The following GRID1 variants were observed in gnomAD, a reference collection of about 807,000 sequenced individuals.
GRID1 encodes the protein glutamate receptor ionotropic, delta-1.
GRID1 carries 28 observed loss-of-function variants against 98.0 expected under a neutral mutation model. That is an observed-to-expected ratio of 0.29 (90% CI 0.21 to 0.39). The LOEUF (loss-of-function observed/expected upper bound fraction) is 0.39, where lower values mean the gene tolerates loss of function less well. Ranked by LOEUF, GRID1 falls within the 10% of genes least tolerant of loss-of-function variation. The pLI, the probability that GRID1 is intolerant of heterozygous loss-of-function variation, is 1.00. For missense variants in GRID1, 1,111 were observed against 1,340.5 expected, an observed-to-expected ratio of 0.83 and a Z score of 2.67; for synonymous variants, 553 against 538.5, an observed-to-expected ratio of 1.03 and a Z score of -0.37.
At chr10:86,161,658 T>C (rs1845325406) in intron 3 of GRID1, among the ~76,000 whole-genome samples, 2 of 152,104 alleles carry the variant, frequency 1.3e-5, no homozygotes, top group Non-Finnish European at 2.9e-5. Context: ...GAATCTGCCT[T>C]CCCAAAAATG....
chr10:86,130,534 A>T (rs1844819689), intron 4 of GRID1, among the ~76,000 whole-genome samples: 1 of 152,220 alleles, frequency 6.6e-6, no homozygotes, highest in Non-Finnish European at 1.5e-5. Context: ...GGAGAGAAGG[A>T]GCATCTGAAT....
At chr10:86,219,886 C>G (rs1386702697) in intron 2 of GRID1, among the ~76,000 whole-genome samples, 1 of 152,196 alleles carries the variant, frequency 6.6e-6, no homozygotes, top group Non-Finnish European at 1.5e-5. Context: ...GATGCTCCCC[C>G]CGGGAGGCAG....
At chr10:86,216,064 TC>T (rs1218375103) in intron 2 of GRID1, among the ~76,000 whole-genome samples, 5 of 152,240 alleles carry the variant, frequency 3.3e-5, no homozygotes, top group Admixed American at 3.3e-4. Flanking sequence ...CTTTCACACT[TC>T]CACTCACTCC....
At chr10:86,180,921 G>A (rs1322744564) in intron 3 of GRID1, among the ~76,000 whole-genome samples, 1 of 152,234 alleles carries the variant, frequency 6.6e-6, no homozygotes, top group Non-Finnish European at 1.5e-5. Context: ...TCTGGGCTCA[G>A]GGAAGGCTAA....
At position 85,869,049 on chromosome 10, in the gene GRID1, C is replaced by T; in HGVS notation, c.912G>A (p.Leu304=). ...CTRNNHRISS[L]LCDPQEGYLQ... ...GGTAGCCTTCCTGGGGGTCGCAGAG[C>T]AGGGAGGAGATGCGGTGGTTGTTCC... Residue 304 remains leucine, a synonymous_variant, in exon 6 of 16, where the codon CTG becomes CTA. Transcript: ENST00000327946. 2 of 1,614,074 alleles carry T rather than the reference C, an allele frequency of 1.2e-6. No individual in the cohort carries two copies. Among genetic ancestry groups the T allele is most frequent in the Non-Finnish European group, 1.7e-6 (2 of 1,180,000 alleles).
At chr10:85,769,640 C>T (rs143289644) in intron 8 of GRID1, among the ~76,000 whole-genome samples, 211 of 152,274 alleles carry the variant, frequency 1.4e-3, no homozygotes, top group South Asian at 5.8e-3. Flanking sequence ...GCTTTTCCAA[C>T]GGGCTTAAAA....
chr10:85,943,377 T>C (rs923706322), intron 4 of GRID1, among the ~76,000 whole-genome samples: 4 of 152,020 alleles, frequency 2.6e-5, no homozygotes, highest in African/African-American at 9.7e-5. Flanking sequence ...ATGGAAATAA[T>C]AAAATATCTA....
intron 2 of GRID1, among the ~76,000 whole-genome samples, chr10:86,285,681 G>C (rs1305034648): frequency 6.6e-6 from 1 of 152,212 alleles, no homozygotes; most frequent in East Asian, 1.9e-4. Flanking sequence ...AGCTGTAGGT[G>C]CTGGTGTTGG....
intron 4 of GRID1, among the ~76,000 whole-genome samples, chr10:86,030,767 T>G (rs1337326334): frequency 6.6e-6 from 1 of 152,218 alleles, no homozygotes; most frequent in Non-Finnish European, 1.5e-5. Flanking sequence ...TCCTTTTGAA[T>G]GAAAGGCAGC....
At chr10:85,894,671 T>C (rs58882819) in intron 5 of GRID1, among the ~76,000 whole-genome samples, 2,501 of 152,204 alleles carry the variant, frequency 0.016, 62 homozygotes, top group African/African-American at 0.056. Context: ...AGTGTAGGCA[T>C]TGGAATCAGA....
intron 12 of GRID1, among the ~76,000 whole-genome samples, chr10:85,681,572 C>T (rs763732662): frequency 3.3e-5 from 5 of 152,150 alleles, no homozygotes; most frequent in Non-Finnish European, 5.9e-5. Flanking sequence ...GTTTACCCCA[C>T]ATGCACTGCC....
chr10:85,844,627 T>C (rs1842989948), intron 8 of GRID1, among the ~76,000 whole-genome samples: 2 of 152,072 alleles, frequency 1.3e-5, no homozygotes, highest in African/African-American at 4.8e-5. Context: ...TAAAACTGCA[T>C]GTAAATCTAT....
chr10:85,617,186 T>C (rs1300450567), intron 14 of GRID1, among the ~76,000 whole-genome samples: 1 of 151,826 alleles, frequency 6.6e-6, no homozygotes, highest in Non-Finnish European at 1.5e-5. Context: ...CCTCTGAAGC[T>C]AGAGGCAGCT....
chr10:85,664,424 G>T (rs922208123), intron 12 of GRID1, among the ~76,000 whole-genome samples: 1 of 152,092 alleles, frequency 6.6e-6, no homozygotes, highest in Admixed American at 6.6e-5. Context: ...TAGAATCAGA[G>T]AATTACTTTA....
At chr10:86,065,796 A>G (rs1228674000) in intron 4 of GRID1, among the ~76,000 whole-genome samples, 2 of 152,370 alleles carry the variant, frequency 1.3e-5, no homozygotes, top group Admixed American at 1.3e-4. Flanking sequence ...TCCAAGGAGA[A>G]GTGATATTTC....
At chr10:86,325,943 T>A (rs1402128732) in intron 2 of GRID1, among the ~76,000 whole-genome samples, 2 of 152,152 alleles carry the variant, frequency 1.3e-5, no homozygotes, top group Non-Finnish European at 2.9e-5. Flanking sequence ...CAGACAAAAT[T>A]GACATAATTT....
Position 85,928,841 on chromosome 10 carries a change from T to C in GRID1, c.727-12602A>G, listed in dbSNP as rs139840132. Reference sequence around the variant, plus strand: ...ATTCAGAATATTTTGGAACCTCTTCTTGTCTTCCAACATTACCCTCTTCAC... The same window carrying C: ...ATTCAGAATATTTTGGAACCTCTTCCTGTCTTCCAACATTACCCTCTTCAC... On this transcript the variant is annotated intron_variant, in intron 4 of 15. Coordinates refer to ENST00000327946, the MANE Select transcript of GRID1 (RefSeq NM_017551.3). 2.9e-3 allele frequency among the ~76,000 whole-genome samples: 448 copies of C among 152,338 alleles called. 2 individuals carry two copies. The highest frequency in any genetic ancestry group is 0.01 in the African/African-American group (429 of 41,572).
chr10:85,820,113 G>GAAAGAAACAAA (rs1262794023), intron 8 of GRID1, among the ~76,000 whole-genome samples: 1 of 109,340 alleles, frequency 9.1e-6, no homozygotes, highest in African/African-American at 4.1e-5. Context: ...AAGGGAGGAA[G>GAAAGAAACAAA]GAAAGAAAGA....
intron 8 of GRID1, among the ~76,000 whole-genome samples, chr10:85,756,076 C>A (rs1308724026): frequency 1.3e-5 from 2 of 151,106 alleles, no homozygotes; most frequent in Non-Finnish European, 2.9e-5. Context: ...TCCAATACCC[C>A]CCCTAGTGGG....
Sources: allele counts gnomAD v4.1 joint callset (sites outside exome capture counted in the v4.1 genomes callset), GRCh38; gene constraint gnomAD v4.1.1; transcripts MANE v1.5; gene names NCBI Gene and HGNC (gene_info 2026-07-23, HGNC 2026-07-21).